The following SNCAIP variants were observed in gnomAD, a reference collection of about 807,000 sequenced individuals.
The protein encoded by SNCAIP is synuclein alpha interacting protein, also known as synphilin-1.
In SNCAIP, 43 loss-of-function variants were observed where a neutral mutation model predicts 86.7. The observed-to-expected ratio is 0.50, with a 90% CI of 0.39 to 0.64. The LOEUF (loss-of-function observed/expected upper bound fraction) is 0.64. Ranked by LOEUF, SNCAIP falls within the 30% of genes least tolerant of loss-of-function variation. The pLI, the probability that SNCAIP is intolerant of heterozygous loss-of-function variation, is 0.00. For synonymous variants in SNCAIP, 417 were observed against 427.2 expected (o/e 0.98, Z 0.29); for missense variants, 981 against 1,103.1 (o/e 0.89, Z 1.57).
At chr5:122,357,561 C>T (rs1421863257) in intron 1 of SNCAIP, among the ~76,000 whole-genome samples, 2 of 151,966 alleles carry the variant, frequency 1.3e-5, no homozygotes, top group African/African-American at 4.8e-5. Flanking sequence ...AAAGCCTTTC[C>T]TGACCCACCG....
intron 3 of SNCAIP, among the ~76,000 whole-genome samples, chr5:122,415,972 C>T (rs1420017882): frequency 6.6e-6 from 1 of 152,200 alleles, no homozygotes. Context: ...AATGCGAAGA[C>T]CACGTAACTT....
At chr5:122,332,483 G>A (rs1035859180) in intron 1 of SNCAIP, among the ~76,000 whole-genome samples, 3 of 152,144 alleles carry the variant, frequency 2.0e-5, no homozygotes, top group African/African-American at 4.8e-5. Flanking sequence ...AGGTGAAGGC[G>A]GGCATAAGAT....
At chr5:122,418,525 G>A (rs1224717145) in intron 3 of SNCAIP, among the ~76,000 whole-genome samples, 1 of 152,188 alleles carries the variant, frequency 6.6e-6, no homozygotes, top group Non-Finnish European at 1.5e-5. Flanking sequence ...AAATGAATGT[G>A]ATAAATTGAA....
intron 5 of SNCAIP, among the ~76,000 whole-genome samples, chr5:122,430,455 A>G (rs1377478100): frequency 1.3e-5 from 2 of 152,234 alleles, no homozygotes; most frequent in African/African-American, 4.8e-5. Context: ...TGAGGTAGTT[A>G]CTATTATCCC....
intron 10 of SNCAIP, among the ~76,000 whole-genome samples, chr5:122,460,123 CTT>C (rs796994434): frequency 2.8e-5 from 4 of 143,570 alleles, no homozygotes; most frequent in Non-Finnish European, 4.6e-5. Context: ...GTGGCAGATA[CTT>C]TTTTTTTTTT....
intron 1 of SNCAIP, among the ~76,000 whole-genome samples, chr5:122,353,514 A>G (rs1352723759): frequency 6.6e-6 from 1 of 151,426 alleles, no homozygotes; most frequent in Non-Finnish European, 1.5e-5. Flanking sequence ...CCCAAATCTC[A>G]TCTTGAATTG....
At position 122,382,260 on chromosome 5, in the gene SNCAIP, T is replaced by C. The variant is rs888131991; in HGVS notation, c.-46-8829T>C. 5.3e-5 allele frequency among the ~76,000 whole-genome samples: 8 copies of C among 152,282 alleles called. 1 individual carries two copies. The highest frequency in any genetic ancestry group is 2.0e-4 in the Admixed American group (3 of 15,308). Reference sequence around the variant, plus strand: ...TCATTTCTTTTTATTCTTTTTTCTCTAAACTTCCCTTCTCACTTCATTTCA... The same window carrying C: ...TCATTTCTTTTTATTCTTTTTTCTCCAAACTTCCCTTCTCACTTCATTTCA... On this transcript the variant is annotated intron_variant, in intron 1 of 10. Coordinates refer to ENST00000261368, the MANE Select transcript of SNCAIP (RefSeq NM_005460.4).
chr5:122,359,511 G>A (rs1038791827), intron 1 of SNCAIP, among the ~76,000 whole-genome samples: 3 of 151,654 alleles, frequency 2.0e-5, no homozygotes, highest in East Asian at 1.9e-4. Flanking sequence ...CTACGGGCAC[G>A]TGCCACCACG....
chr5:122,454,282 T>G (rs559742499), intron 10 of SNCAIP: 1 of 152,754 alleles, frequency 6.5e-6, no homozygotes, highest in South Asian at 2.1e-4. Context: ...TAATCTGCTC[T>G]AAGTCTTTAT....
chr5:122,311,914 CG>C (rs1398115959), upstream of SNCAIP: 2 of 151,194 alleles, frequency 1.3e-5, no homozygotes, highest in Non-Finnish European at 3.0e-5. Flanking sequence ...TCAGGCCGAG[CG>C]GGGCTCGCTG....
chr5:122,362,757 G>A (rs189083737), intron 1 of SNCAIP, among the ~76,000 whole-genome samples: 6 of 152,130 alleles, frequency 3.9e-5, no homozygotes, highest in East Asian at 3.9e-4. Context: ...TGAACTGAGC[G>A]TGAACTACAT....
chr5:122,367,491 T>C (rs928527578), intron 1 of SNCAIP, among the ~76,000 whole-genome samples: 1 of 151,958 alleles, frequency 6.6e-6, no homozygotes, highest in Non-Finnish European at 1.5e-5. Flanking sequence ...ATTTGCAGGG[T>C]TGGTGAGACT....
At chr5:122,388,465 A>C (rs886946786) in intron 1 of SNCAIP, 7 of 152,286 alleles carry the variant, frequency 4.6e-5, no homozygotes, top group African/African-American at 1.7e-4. Flanking sequence ...AGGATGAGAA[A>C]AGCAACCACA....
intron 1 of SNCAIP, among the ~76,000 whole-genome samples, chr5:122,357,415 T>C (rs1233555428): frequency 6.6e-6 from 1 of 151,956 alleles, no homozygotes; most frequent in African/African-American, 2.4e-5. Context: ...TTTGTATTTT[T>C]AGTAGAGACA....
intron 1 of SNCAIP, among the ~76,000 whole-genome samples, chr5:122,319,985 A>G (rs1752596579): frequency 6.6e-6 from 1 of 152,204 alleles, no homozygotes; most frequent in South Asian, 2.1e-4. Context: ...ATGCAACCAA[A>G]TGAAGCTTAA....
At chr5:122,362,402 T>C (rs574479752) in intron 1 of SNCAIP, among the ~76,000 whole-genome samples, 6 of 152,288 alleles carry the variant, frequency 3.9e-5, no homozygotes, top group South Asian at 4.1e-4. Flanking sequence ...ACATTGGAGA[T>C]TGAGGAATCT....
At chr5:122,449,361 A>G (rs1032582237) in intron 8 of SNCAIP, among the ~76,000 whole-genome samples, 1 of 152,176 alleles carries the variant, frequency 6.6e-6, no homozygotes, top group African/African-American at 2.4e-5. Flanking sequence ...AATTTGAAAA[A>G]TCACAAGTTA....
At chr5:122,386,600 T>G (rs1768177842) in intron 1 of SNCAIP, among the ~76,000 whole-genome samples, 1 of 152,212 alleles carries the variant, frequency 6.6e-6, no homozygotes, top group Admixed American at 6.5e-5. Flanking sequence ...TTTCTCCCAG[T>G]GCTGTGGGCA....
intron 2 of SNCAIP, among the ~76,000 whole-genome samples, chr5:122,392,567 G>A (rs534171677): frequency 6.6e-6 from 1 of 152,296 alleles, no homozygotes; most frequent in South Asian, 2.1e-4. Flanking sequence ...TAGGATGGAA[G>A]GTGTTGTAGA....
Sources: gnomAD v4.1 joint callset for allele counts (sites outside exome capture counted in the v4.1 genomes callset) on GRCh38, gnomAD v4.1.1 for gene constraint, MANE v1.5 for transcripts, NCBI Gene and HGNC (gene_info 2026-07-23, HGNC 2026-07-21) for gene names.